Variants in AGBL4 observed in about 807,000 individuals in gnomAD.
AGBL4 encodes the protein AGBL carboxypeptidase 4, also known as cytosolic carboxypeptidase 6.
In AGBL4, 58 loss-of-function variants were observed where a neutral mutation model predicts 66.4. The observed-to-expected ratio is 0.87, with a 90% confidence interval of 0.71 to 1.09. AGBL4 has a LOEUF of 1.09. Among genes scored for constraint, AGBL4 ranks in the 50% least tolerant of loss-of-function variants. The pLI is 0.00. For missense variants in AGBL4, 579 were observed against 631.0 expected (o/e 0.92, Z 0.88); for synonymous variants, 234 against 222.9 (o/e 1.05, Z -0.44).
chr1:49,045,590 C>G lies in AGBL4; in HGVS notation c.588G>C (p.Gln196His), dbSNP rs771115165. The change falls in exon 5 of 14, where the codon CAG (glutamine) becomes CAC (histidine). Residue 196 changes from glutamine to histidine, a missense_variant. By Grantham distance (24) the Gln-to-His change is conservative (BLOSUM62 0). Coordinates refer to ENST00000371839, the MANE Select transcript of AGBL4 (RefSeq NM_032785.4). The stretch of plus-strand genomic sequence containing the variant: ...AACCTGGCACAGGCCTTACCACACT[C>G]TGGCCCAGCTGCTCCCGAAAGAAGT... Reference protein sequence around the residue: ...MDYFFREQLGQSVQQRKLDLL... With the variant: ...MDYFFREQLGHSVQQRKLDLL... The G allele has an allele frequency of 3.4e-5, 55 of 1,604,198 alleles. No individual in the cohort carries two copies. The South Asian group carries it at 6.0e-4, about 17-fold the overall frequency.
At chr1:48,723,152 TA>T (rs1243376625) in intron 6 of AGBL4, among the ~76,000 whole-genome samples, 3 of 152,164 alleles carry the variant, frequency 2.0e-5, no homozygotes, top group Non-Finnish European at 4.4e-5. Flanking sequence ...AGCTATTTAT[TA>T]GTTGGTGAGG....
At chr1:49,147,393 C>A (rs1448218382) in intron 4 of AGBL4, among the ~76,000 whole-genome samples, 1 of 152,154 alleles carries the variant, frequency 6.6e-6, no homozygotes, top group Non-Finnish European at 1.5e-5. Flanking sequence ...CAATTTCACA[C>A]CACTGCTGCA....
intron 1 of AGBL4, among the ~76,000 whole-genome samples, chr1:50,006,925 T>A (rs1292351869): frequency 6.6e-6 from 1 of 152,178 alleles, no homozygotes; most frequent in Non-Finnish European, 1.5e-5. Flanking sequence ...AGACATAGAA[T>A]ATTTTAACAC....
chr1:49,834,795 G>T (rs916509377), intron 2 of AGBL4, among the ~76,000 whole-genome samples: 4 of 152,110 alleles, frequency 2.6e-5, no homozygotes, highest in Admixed American at 1.3e-4. Flanking sequence ...TGGTTTCAAA[G>T]AACTTATTTA....
chr1:49,267,553 G>T (rs969530313), intron 3 of AGBL4, among the ~76,000 whole-genome samples: 1 of 151,960 alleles, frequency 6.6e-6, no homozygotes, highest in East Asian at 1.9e-4. Context: ...GGTGGCACAC[G>T]CCTGTAGTCC....
chr1:49,215,140 C>T (rs1648984100), intron 4 of AGBL4, among the ~76,000 whole-genome samples: 1 of 152,084 alleles, frequency 6.6e-6, no homozygotes, highest in South Asian at 2.1e-4. Flanking sequence ...CAGAAATATT[C>T]CAGCATATGC....
At chr1:49,562,163 T>G (rs1192143729) in intron 3 of AGBL4, among the ~76,000 whole-genome samples, 3 of 152,290 alleles carry the variant, frequency 2.0e-5, no homozygotes, top group East Asian at 1.9e-4. Context: ...TTGTTTGTTT[T>G]TTTCTTGTAA....
At chr1:48,869,751 T>C (rs12135250) in intron 5 of AGBL4, among the ~76,000 whole-genome samples, 1 of 151,150 alleles carries the variant, frequency 6.6e-6, no homozygotes, top group Admixed American at 6.6e-5. Flanking sequence ...CCTGAGAACC[T>C]GTAGCCAGCA....
chr1:49,904,986 G>T (rs575300560), intron 1 of AGBL4, among the ~76,000 whole-genome samples: 25 of 152,228 alleles, frequency 1.6e-4, no homozygotes, highest in African/African-American at 5.8e-4. Flanking sequence ...AACACAACAT[G>T]AGTTTTATGA....
intron 6 of AGBL4, among the ~76,000 whole-genome samples, chr1:48,862,124 C>T (rs1647530582): frequency 6.6e-6 from 1 of 152,162 alleles, no homozygotes; most frequent in African/African-American, 2.4e-5. Context: ...CAAAGTCCCA[C>T]TATAAAACTC....
chr1:48,557,485 G>C (rs1644337771), intron 11 of AGBL4, among the ~76,000 whole-genome samples: 1 of 152,098 alleles, frequency 6.6e-6, no homozygotes, highest in South Asian at 2.1e-4. Flanking sequence ...TCAGAGCCAG[G>C]ACCCTGGAAA....
At chr1:48,936,430 C>T (rs1370082978) in intron 5 of AGBL4, among the ~76,000 whole-genome samples, 2 of 152,138 alleles carry the variant, frequency 1.3e-5, no homozygotes, top group Non-Finnish European at 2.9e-5. Context: ...GAGATAATGT[C>T]TGAGACCAAA....
At chr1:49,694,572 C>T (rs937277640) in intron 3 of AGBL4, among the ~76,000 whole-genome samples, 2 of 152,062 alleles carry the variant, frequency 1.3e-5, no homozygotes, top group Non-Finnish European at 2.9e-5. Flanking sequence ...AAATATTGGT[C>T]CCTTCAACTT....
intron 6 of AGBL4, among the ~76,000 whole-genome samples, chr1:48,698,537 C>T (rs1481266308): frequency 2.0e-5 from 3 of 152,242 alleles, no homozygotes; most frequent in African/African-American, 7.2e-5. Flanking sequence ...ACATGGGGAG[C>T]TGGATCACTG....
intron 5 of AGBL4, among the ~76,000 whole-genome samples, chr1:49,025,065 A>G (rs577593509): frequency 6.6e-5 from 10 of 152,308 alleles, no homozygotes; most frequent in Non-Finnish European, 1.0e-4. Flanking sequence ...TACACAGTGA[A>G]TAAGTGGCAG....
intron 1 of AGBL4, among the ~76,000 whole-genome samples, chr1:50,018,763 C>A (rs1662182838): frequency 3.3e-5 from 5 of 152,008 alleles, no homozygotes; most frequent in Admixed American, 3.3e-4. Flanking sequence ...AAGAAACAAG[C>A]ACATAAACTT....
At chr1:49,651,662 C>T (rs1331223256) in intron 3 of AGBL4, among the ~76,000 whole-genome samples, 1 of 151,976 alleles carries the variant, frequency 6.6e-6, no homozygotes, top group Non-Finnish European at 1.5e-5. Flanking sequence ...AAGAAACATA[C>T]ACAAGATACA....
intron 11 of AGBL4, chr1:48,586,591 C>A (rs2627754): frequency 0.24 from 46,248 of 190,066 alleles, 6,118 homozygotes; most frequent in South Asian, 0.3. Flanking sequence ...GAAAAGAGAA[C>A]ATATGTTTTT....
chr1:49,158,131 G>A (rs1286180047), intron 4 of AGBL4, among the ~76,000 whole-genome samples: 5 of 152,070 alleles, frequency 3.3e-5, no homozygotes. Context: ...GCCATATGCA[G>A]AAAGCTGAAA....
Sources: allele counts gnomAD v4.1 joint callset (sites outside exome capture counted in the v4.1 genomes callset), GRCh38; gene constraint gnomAD v4.1.1; transcripts MANE v1.5; gene names NCBI Gene and HGNC (gene_info 2026-07-23, HGNC 2026-07-21).